CLIP1: variants seen among roughly 807,000 people sequenced by gnomAD.
CLIP1 encodes CAP-Gly domain-containing linker protein 1.
A neutral mutation model predicts 161.6 loss-of-function variants in CLIP1; 66 were observed. That is an observed-to-expected ratio of 0.41 (90% CI 0.33 to 0.50). The LOEUF (loss-of-function observed/expected upper bound fraction) is 0.50. Among genes scored for constraint, CLIP1 ranks in the 20% least tolerant of loss-of-function variants. The pLI is 0.27. For synonymous variants in CLIP1, 598 were observed against 626.2 expected (o/e 0.96, Z 0.67); for missense variants, 1,376 against 1,702.0 (o/e 0.81, Z 3.37).
rs778394140 is a variant in CLIP1, at chr12:122,336,694, G to A, written c.2506C>T (p.Gln836Ter). 1 of 1,612,406 alleles carries A rather than the reference G, an allele frequency of 6.2e-7. No individual in the cohort carries two copies. The highest frequency in any genetic ancestry group is 1.1e-5 in the South Asian group (1 of 90,960). ...QGRELKLTNLQENLSEVSQVK... is the reference protein window; with the variant it reads ...QGRELKLTNL The stretch of plus-strand genomic sequence containing the variant: ...TGACTGACTTCACTCAAATTTTCCT[G>A]AAGGTTAGTAAGCTTTAGCTCTCTC... Residue 836 changes from glutamine to a stop codon, truncating the protein, a stop_gained, in exon 12 of 26, where the codon CAG (glutamine) becomes TAG (stop). Transcript: ENST00000620786. LOFTEE classifies it high-confidence loss of function.
Position 122,360,942 on chromosome 12 carries a change from T to C in CLIP1, c.1005+17A>G, listed in dbSNP as rs760897491. Reference sequence around the variant, plus strand: ...CTGCCTGGGAAGTGGAGGCAGGTAGTGAGAAAGGGGCCTTACTAGTCCTGT... The same window carrying C: ...CTGCCTGGGAAGTGGAGGCAGGTAGCGAGAAAGGGGCCTTACTAGTCCTGT... On this transcript the variant is annotated intron_variant, in intron 5 of 25. Coordinates refer to ENST00000620786, the MANE Select transcript of CLIP1 (RefSeq NM_001247997.2). 12 of 1,591,598 alleles carry C rather than the reference T, an allele frequency of 7.5e-6. No homozygotes were observed. Among genetic ancestry groups the C allele is most frequent in the Non-Finnish European group, 1.0e-5 (12 of 1,168,424 alleles).
chr12:122,285,502 GAT>G (rs1193735601), intron 21 of CLIP1, among the ~76,000 whole-genome samples: 1 of 152,144 alleles, frequency 6.6e-6, no homozygotes, highest in Non-Finnish European at 1.5e-5. Flanking sequence ...AAAGTGCTGG[GAT>G]TACAGGTGTA....
chr12:122,325,300 C>T (rs1298589404), intron 17 of CLIP1, among the ~76,000 whole-genome samples: 2 of 152,046 alleles, frequency 1.3e-5, no homozygotes, highest in African/African-American at 4.8e-5. Context: ...CCAAGTGATC[C>T]ACCCACCTAG....
chr12:122,389,872 G>C lies in CLIP1; in HGVS notation c.-106-9314C>G, dbSNP rs568099880. 1.3e-4 allele frequency among the ~76,000 whole-genome samples: 20 copies of C among 150,450 alleles called. No individual in the cohort carries two copies. In the South Asian group the frequency reaches 4.0e-3, roughly 30 times the overall value. On this transcript the variant is annotated intron_variant, in intron 1 of 25. Coordinates refer to ENST00000620786, the MANE Select transcript of CLIP1 (RefSeq NM_001247997.2). ...TGAACTGTCAACACCAGTGCTGGAG[G>C]GGGGGCCCGGTGGGAGGTGTTTGGG...
At chr12:122,420,004 A>G (rs563239793) in intron 1 of CLIP1, among the ~76,000 whole-genome samples, 14 of 150,956 alleles carry the variant, frequency 9.3e-5, no homozygotes, top group Non-Finnish European at 1.9e-4. Context: ...ATGGGATGTG[A>G]CAGAGTGAAT....
At chr12:122,335,448 A>G (rs1463564413) in intron 12 of CLIP1, among the ~76,000 whole-genome samples, 1 of 152,078 alleles carries the variant, frequency 6.6e-6, no homozygotes, top group Non-Finnish European at 1.5e-5. Flanking sequence ...GGGAAAAAAA[A>G]AAAGGCAAGG....
At chr12:122,421,298 A>C (rs1240025657) in intron 1 of CLIP1, among the ~76,000 whole-genome samples, 1 of 151,994 alleles carries the variant, frequency 6.6e-6, no homozygotes, top group Non-Finnish European at 1.5e-5. Context: ...GAGAAGCGAC[A>C]TGCCTGGGGA....
Position 122,319,277 on chromosome 12 carries a change from G to C in CLIP1, c.3321C>G (p.Ala1107=), listed in dbSNP as rs1174957560. ...TTGTTTGCTTGGTGTCCTCCAAGGA[G>C]GCCAGAGTCTCAGTCTTCTCTTTGG... ...QMTKEKTETL[A]SLEDTKQTNA... is the part of the protein sequence containing the mutation. Residue 1107 remains alanine, a synonymous_variant, in exon 18 of 26, where the codon GCC becomes GCG. Coordinates refer to ENST00000620786, the MANE Select transcript of CLIP1 (RefSeq NM_001247997.2). The C allele has an allele frequency of 6.2e-7, 1 of 1,614,118 alleles. No homozygotes were observed. The highest frequency in any genetic ancestry group is 8.5e-7 in the Non-Finnish European group (1 of 1,179,920).
chr12:122,398,437 A>G (rs1231050380), intron 1 of CLIP1, among the ~76,000 whole-genome samples: 1 of 151,920 alleles, frequency 6.6e-6, no homozygotes, highest in Non-Finnish European at 1.5e-5. Flanking sequence ...AAAAAAAAAA[A>G]AAATTAATTT....
At chr12:122,278,498 C>T (rs1955522037) in intron 23 of CLIP1, 2 of 532,380 alleles carry the variant, frequency 3.8e-6, no homozygotes, top group South Asian at 2.9e-5. Context: ...CCCTTCTTCA[C>T]CAAAGGGACC....
intron 1 of CLIP1, among the ~76,000 whole-genome samples, chr12:122,385,411 G>T (rs1404995162): frequency 6.6e-6 from 1 of 152,118 alleles, no homozygotes. Context: ...ATCTCCCCAG[G>T]ATCTTGTGAA....
chr12:122,288,961 G>A lies in CLIP1; in HGVS notation c.3595-420C>T, dbSNP rs866044670. On this transcript the variant is annotated intron_variant, in intron 20 of 25. Coordinates refer to ENST00000620786, the MANE Select transcript of CLIP1 (RefSeq NM_001247997.2). The stretch of plus-strand genomic sequence containing the variant: ...CTCCCGAGTAGCTGGGACTACAGGC[G>A]CCCGCCACAACGCCCGGCTAATTTT... Among the ~76,000 whole-genome samples, 549 of 149,488 alleles carry A rather than the reference G, an allele frequency of 3.7e-3. 1 individual carries two copies. Among genetic ancestry groups the A allele is most frequent in the African/African-American group, 0.013 (529 of 41,176 alleles).
In CLIP1 at chr12:122,309,836, C is replaced by T; in HGVS notation, c.3520G>A (p.Ala1174Thr). 2 of 1,613,964 alleles carry T rather than the reference C, an allele frequency of 1.2e-6. No individual in the cohort carries two copies. The highest frequency in any genetic ancestry group is 1.7e-6 in the Non-Finnish European group (2 of 1,180,038). ...AGTTTAACGTTCTCTTCTTGCAACG[C>T]TGAAAGCTGCTGGGACTTCTGAGCT... is the stretch of plus-strand genomic sequence containing the variant. Reference protein sequence around the residue: ...AAAQKSQQLSALQEENVKLAE... With the variant: ...AAAQKSQQLSTLQEENVKLAE... Residue 1174 changes from alanine to threonine, a missense_variant, in exon 20 of 26, where the codon GCG becomes ACG. Ala to Thr is a moderately conservative substitution (Grantham distance 58). Transcript: ENST00000620786.
intron 15 of CLIP1, among the ~76,000 whole-genome samples, chr12:122,330,893 G>A (rs761881690): frequency 6.6e-6 from 1 of 151,362 alleles, no homozygotes; most frequent in African/African-American, 2.4e-5. Flanking sequence ...GAGCCACCAC[G>A]CCCGGCCTAC....
chr12:122,317,900 G>A (rs917715130), intron 18 of CLIP1, among the ~76,000 whole-genome samples: 3 of 152,256 alleles, frequency 2.0e-5, no homozygotes, highest in Non-Finnish European at 4.4e-5. Context: ...GTTATAGAAC[G>A]ACACAGTTCC....
At chr12:122,362,713 TA>T (rs34046739) in intron 4 of CLIP1, among the ~76,000 whole-genome samples, 15,388 of 105,576 alleles carry the variant, frequency 0.15, 1,307 homozygotes, top group East Asian at 0.44. Context: ...AAAAATATGA[TA>T]AAAAAAAAAA....
chr12:122,352,530 C>T (rs1210466087), intron 8 of CLIP1, among the ~76,000 whole-genome samples, 196 bp downstream of exon 8: 1 of 152,106 alleles, frequency 6.6e-6, no homozygotes, highest in African/African-American at 2.4e-5. Context: ...AGTGCAAGTT[C>T]CACTCTGCTA....
rs1039284567 is a variant in CLIP1 at position 122,355,471 on chromosome 12, C to T, written c.1006-159G>A. 3.4e-5 allele frequency: 21 copies of T among 615,962 alleles called. No individual in the cohort carries two copies. In the Admixed American group the frequency reaches 5.8e-4, roughly 17 times the overall value. The allele number at this position is 615,962 out of a possible 1,614,324, so 38.2% of individuals were successfully genotyped here. Reference sequence around the variant, plus strand: ...GAAAGGCTTCCTCAAAAACACAAGACAGTGTGTGCCTTCTGTCTATAAATC... The same window carrying T: ...GAAAGGCTTCCTCAAAAACACAAGATAGTGTGTGCCTTCTGTCTATAAATC... On this transcript the variant is annotated intron_variant, in intron 5 of 25. Transcript: ENST00000620786. The surrounding 1 kb of genome is among the most constrained non-coding windows in gnomAD (Gnocchi z 4.1).
At chr12:122,282,804 T>G (rs940229581) in intron 21 of CLIP1, among the ~76,000 whole-genome samples, 2 of 152,180 alleles carry the variant, frequency 1.3e-5, no homozygotes, top group Non-Finnish European at 2.9e-5. Flanking sequence ...TTATTTATTA[T>G]AACGTGGATA....
Sources: gnomAD v4.1 joint callset for allele counts (sites outside exome capture counted in the v4.1 genomes callset) on GRCh38, gnomAD v4.1.1 for gene constraint, Gnocchi (gnomAD v3.1) non-coding constraint, MANE v1.5 for transcripts, NCBI Gene and HGNC (gene_info 2026-07-23, HGNC 2026-07-21) for gene names.